RBFOX1: variants seen among roughly 807,000 people sequenced by gnomAD.
The protein encoded by RBFOX1 is RNA binding protein fox-1 homolog 1.
Under a neutral mutation model 57.7 loss-of-function variants are expected in RBFOX1, and 8 were observed. The observed-to-expected ratio is 0.14, with a 90% CI of 0.08 to 0.25. The LOEUF is 0.25. Ranked by LOEUF, RBFOX1 falls within the 10% of genes least tolerant of loss-of-function variation. The probability of loss-of-function intolerance (pLI) is 1.00; values close to 1 mark genes in which losing one functional copy is unlikely to be tolerated. For missense variants in RBFOX1, 611 were observed against 548.5 expected, an observed-to-expected ratio of 1.11 and a Z score of -1.14; for synonymous variants, 326 against 222.4, an observed-to-expected ratio of 1.47 and a Z score of -4.15.
intron 4 of RBFOX1, among the ~76,000 whole-genome samples, chr16:5,997,754 T>C (rs190393850): frequency 2.0e-5 from 3 of 152,370 alleles, no homozygotes; most frequent in Admixed American, 2.0e-4. Context: ...AAAGTTTCTG[T>C]TAAATCTCAC....
At chr16:7,122,554 A>G (rs1161754383) in intron 4 of RBFOX1, among the ~76,000 whole-genome samples, 2 of 152,174 alleles carry the variant, frequency 1.3e-5, no homozygotes, top group Non-Finnish European at 2.9e-5. Context: ...CATAAGATAA[A>G]AAAAATTGAC....
chr16:6,710,358 C>T (rs1027578716), intron 3 of RBFOX1, among the ~76,000 whole-genome samples: 2 of 152,120 alleles, frequency 1.3e-5, no homozygotes, highest in African/African-American at 2.4e-5. Context: ...GAAATTAATG[C>T]ATTTTATTTA....
In RBFOX1 at chr16:7,407,069, T is replaced by C. The variant is rs756407278; in HGVS notation, c.28-111078T>C. On this transcript the variant is annotated intron_variant, in intron 4 of 15. Coordinates refer to ENST00000550418, the MANE Select transcript of RBFOX1 (RefSeq NM_018723.4). ...CATCTCGAGACCCTGATCTTAATGT[T>C]TTTTATTTTCATAGGTTTTTGGGGG... Among the ~76,000 whole-genome samples the C allele has an allele frequency of 3.3e-5, 5 of 152,162 alleles. No individual in the cohort carries two copies. In the South Asian group the frequency reaches 6.2e-4, roughly 19 times the overall value.
At chr16:6,783,580 C>G (rs73530740) in intron 3 of RBFOX1, among the ~76,000 whole-genome samples, 7,809 of 152,032 alleles carry the variant, frequency 0.051, 549 homozygotes, top group East Asian at 0.28. Context: ...TTTTTGCTAT[C>G]TCTGTCTTTT....
intron 4 of RBFOX1, among the ~76,000 whole-genome samples, chr16:7,474,439 C>T (rs2062201534): frequency 6.6e-6 from 1 of 152,028 alleles, no homozygotes; most frequent in Non-Finnish European, 1.5e-5. Context: ...TAATGTTTTA[C>T]AATTAAGGAT....
At chr16:6,894,203 C>A (rs898018718) in intron 3 of RBFOX1, among the ~76,000 whole-genome samples, 1 of 152,142 alleles carries the variant, frequency 6.6e-6, no homozygotes, top group African/African-American at 2.4e-5. Flanking sequence ...AAGTAAGCTT[C>A]ACTTCCATCA....
At chr16:7,541,395 G>C (rs1377762682) in intron 5 of RBFOX1, among the ~76,000 whole-genome samples, 1 of 152,092 alleles carries the variant, frequency 6.6e-6, no homozygotes, top group Non-Finnish European at 1.5e-5. Flanking sequence ...CCACTGATAG[G>C]AGATTGCTCC....
At chr16:5,621,115 C>T (rs183054072) in intron 3 of RBFOX1, among the ~76,000 whole-genome samples, 1 of 152,318 alleles carries the variant, frequency 6.6e-6, no homozygotes, top group East Asian at 1.9e-4. Context: ...GCTGGGATTA[C>T]AGGCGTTGAG....
chr16:6,065,500 C>T (rs2095749882), intron 1 of RBFOX1, among the ~76,000 whole-genome samples: 1 of 152,188 alleles, frequency 6.6e-6, no homozygotes, highest in South Asian at 2.1e-4. Flanking sequence ...TTGCGGTTTC[C>T]ACTCAGTCCT....
intron 2 of RBFOX1, among the ~76,000 whole-genome samples, chr16:6,592,243 T>C (rs528636788): frequency 9.2e-5 from 14 of 152,322 alleles, no homozygotes; most frequent in Admixed American, 8.5e-4. Context: ...GGGCTTTCTT[T>C]TGTGTGGTAC....
At chr16:6,794,575 T>C (rs1250690336) in intron 3 of RBFOX1, among the ~76,000 whole-genome samples, 1 of 152,118 alleles carries the variant, frequency 6.6e-6, no homozygotes, top group East Asian at 1.9e-4. Flanking sequence ...ATAGGCTGTT[T>C]AGCAGAAAAC....
At chr16:6,663,871 C>A (rs975864901) in intron 3 of RBFOX1, among the ~76,000 whole-genome samples, 4 of 152,208 alleles carry the variant, frequency 2.6e-5, no homozygotes, top group Admixed American at 6.5e-5. Context: ...CATGGCATGA[C>A]TAAGGAACTG....
intron 3 of RBFOX1, among the ~76,000 whole-genome samples, chr16:6,749,668 A>G (rs75381485): frequency 1.3e-5 from 2 of 152,182 alleles, no homozygotes; most frequent in East Asian, 3.8e-4. Flanking sequence ...CATCAGGGGT[A>G]ACAAATCTTA....
intron 4 of RBFOX1, among the ~76,000 whole-genome samples, chr16:7,163,340 A>G (rs1372354886): frequency 6.6e-6 from 1 of 152,200 alleles, no homozygotes; most frequent in Non-Finnish European, 1.5e-5. Context: ...TTATCAATCC[A>G]GAGCAAAGAG....
At chr16:6,451,011 CATAA>C (rs2094610296) in intron 2 of RBFOX1, among the ~76,000 whole-genome samples, 1 of 149,296 alleles carries the variant, frequency 6.7e-6, no homozygotes, top group South Asian at 2.1e-4. Flanking sequence ...TGGGTACTGC[CATAA>C]ATAGACAGGA....
At chr16:5,907,326 C>T (rs562870192) in intron 4 of RBFOX1, among the ~76,000 whole-genome samples, 1 of 152,136 alleles carries the variant, frequency 6.6e-6, no homozygotes, top group South Asian at 2.1e-4. Flanking sequence ...AGATTTCATG[C>T]CTCTTTCTCT....
At chr16:6,797,172 T>C (rs746219950) in intron 3 of RBFOX1, among the ~76,000 whole-genome samples, 2 of 152,172 alleles carry the variant, frequency 1.3e-5, no homozygotes, top group Non-Finnish European at 2.9e-5. Flanking sequence ...CAGAATTTGT[T>C]AGCAAGGATC....
At chr16:6,671,207 A>C (rs533915840) in intron 3 of RBFOX1, among the ~76,000 whole-genome samples, 21 of 152,204 alleles carry the variant, frequency 1.4e-4, no homozygotes, top group Non-Finnish European at 2.9e-4. Flanking sequence ...TGCAATGTCA[A>C]AATATTGGCA....
At chr16:7,014,554 G>C (rs1157529036) in intron 3 of RBFOX1, among the ~76,000 whole-genome samples, 1 of 152,014 alleles carries the variant, frequency 6.6e-6, no homozygotes, top group Non-Finnish European at 1.5e-5. Context: ...TTACAGGAGT[G>C]AGACACTGCA....
Sources: gnomAD v4.1 joint callset for allele counts (sites outside exome capture counted in the v4.1 genomes callset) on GRCh38, gnomAD v4.1.1 for gene constraint, MANE v1.5 for transcripts, NCBI Gene and HGNC (gene_info 2026-07-23, HGNC 2026-07-21) for gene names.